GRIK2: variants seen among roughly 807,000 people sequenced by gnomAD.
The protein encoded by GRIK2 is glutamate ionotropic receptor kainate type subunit 2.
GRIK2 carries 32 observed loss-of-function variants against 100.3 expected under a neutral mutation model. The observed-to-expected ratio is 0.32, with a 90% CI of 0.24 to 0.43. The LOEUF (loss-of-function observed/expected upper bound fraction) is 0.43. Among genes scored for constraint, GRIK2 ranks in the 20% least tolerant of loss-of-function variants. The pLI, the probability that GRIK2 is intolerant of heterozygous loss-of-function variation, is 1.00. For synonymous variants in GRIK2, 417 were observed against 389.4 expected, an observed-to-expected ratio of 1.07 and a Z score of -0.83; for missense variants, 843 against 1,114.9, an observed-to-expected ratio of 0.76 and a Z score of 3.47.
chr6:102,013,023 G>A (rs1795630783), intron 14 of GRIK2, among the ~76,000 whole-genome samples: 1 of 152,090 alleles, frequency 6.6e-6, no homozygotes, highest in Non-Finnish European at 1.5e-5. Context: ...ATTGCTCTGG[G>A]CATTATAGCC....
intron 14 of GRIK2, among the ~76,000 whole-genome samples, chr6:101,992,190 T>TAAAC (rs895091868): frequency 1.3e-5 from 2 of 151,582 alleles, no homozygotes; most frequent in African/African-American, 4.8e-5. Flanking sequence ...AAATCATCTG[T>TAAAC]AAACAGCTTT....
intron 16 of GRIK2, among the ~76,000 whole-genome samples, chr6:102,065,499 A>AT (rs200394955): frequency 0.065 from 9,787 of 151,200 alleles, 470 homozygotes; most frequent in Non-Finnish European, 0.096. Context: ...CATGTGTAAG[A>AT]TTTTTTCCTA....
intron 2 of GRIK2, among the ~76,000 whole-genome samples, chr6:101,589,086 C>T (rs1005788885): frequency 1.3e-5 from 2 of 152,056 alleles, no homozygotes; most frequent in African/African-American, 4.8e-5. Flanking sequence ...ATGAAACCTA[C>T]CATTCTGGCT....
At chr6:101,654,341 G>C (rs1461714129) in intron 4 of GRIK2, among the ~76,000 whole-genome samples, 1 of 152,078 alleles carries the variant, frequency 6.6e-6, no homozygotes, top group Non-Finnish European at 1.5e-5. Flanking sequence ...ATTAGAACTA[G>C]AAGCTGATTG....
intron 2 of GRIK2, among the ~76,000 whole-genome samples, chr6:101,581,303 T>C (rs1195956596): frequency 1.3e-5 from 2 of 151,608 alleles, no homozygotes; most frequent in Non-Finnish European, 2.9e-5. Flanking sequence ...TGTGTGTGTG[T>C]ATATACATAT....
At position 101,941,494 on chromosome 6, in the gene GRIK2, A is replaced by AT. The variant is rs904019749; in HGVS notation, c.2085+12872dup. 7.6e-4 allele frequency among the ~76,000 whole-genome samples: 114 copies of AT among 150,682 alleles called. 1 individual carries two copies. Among genetic ancestry groups the AT allele is most frequent in the African/African-American group, 2.3e-3 (96 of 41,212 alleles). On this transcript the variant is annotated intron_variant, in intron 14 of 16. Coordinates refer to ENST00000369134, the MANE Select transcript of GRIK2 (RefSeq NM_021956.5). ...AAATACAAACTGAATTTGATATGCA[A>AT]TTTTTTTTTTCTTAATAGTAAAAAA...
rs1772131308 is a variant in GRIK2 at position 102,068,619 on chromosome 6, C to T, written c.*108C>T. 2.3e-6 allele frequency: 2 copies of T among 856,530 alleles called. No homozygotes were observed. Among genetic ancestry groups the T allele is most frequent in the Non-Finnish European group, 3.6e-6 (2 of 549,266 alleles). 53.1% of individuals were successfully genotyped at this position (856,530 alleles called of 1,614,324 possible). A position where few individuals can be genotyped will look rare whatever the true frequency, so the allele number is the denominator to read the frequency against. On this transcript the variant is annotated 3_prime_UTR_variant, in exon 17 of 17. Coordinates refer to ENST00000369134, the MANE Select transcript of GRIK2 (RefSeq NM_021956.5). ...ACCTGTGCAAAATAAAATGAGTTAC[C>T]TCATGCCGCTGTGTCTATGAACTAG...
At chr6:101,559,593 C>T (rs1433843847) in intron 2 of GRIK2, among the ~76,000 whole-genome samples, 2 of 152,040 alleles carry the variant, frequency 1.3e-5, no homozygotes, top group East Asian at 3.8e-4. Flanking sequence ...ATCAGCTACT[C>T]CCAAGAAGGT....
chr6:101,732,402 A>T (rs1437445259), intron 7 of GRIK2, among the ~76,000 whole-genome samples: 2 of 152,092 alleles, frequency 1.3e-5, no homozygotes, highest in Non-Finnish European at 2.9e-5. Flanking sequence ...GATAACAATC[A>T]TATTTTTTTT....
chr6:101,773,495 G>GA (rs910994228), intron 7 of GRIK2, among the ~76,000 whole-genome samples: 3,527 of 133,016 alleles, frequency 0.027, 98 homozygotes, highest in African/African-American at 0.074. Flanking sequence ...AAAAAAAAAG[G>GA]AAAAAAAAAA....
chr6:101,817,934 A>C (rs1781733038), intron 9 of GRIK2, among the ~76,000 whole-genome samples: 1 of 152,128 alleles, frequency 6.6e-6, no homozygotes, highest in Non-Finnish European at 1.5e-5. Context: ...GCCTACCTTT[A>C]CCTATTAATT....
intron 2 of GRIK2, among the ~76,000 whole-genome samples, chr6:101,492,595 C>A (rs1414913411): frequency 1.3e-5 from 2 of 151,854 alleles, no homozygotes; most frequent in East Asian, 3.9e-4. Flanking sequence ...GGAGGATTTT[C>A]TTTCTATATA....
intron 10 of GRIK2, among the ~76,000 whole-genome samples, chr6:101,822,663 T>C (rs1280188067): frequency 1.3e-5 from 2 of 152,174 alleles, no homozygotes; most frequent in Non-Finnish European, 2.9e-5. Context: ...ATCCATGGAT[T>C]TATTCGTTTA....
rs374516995 is a variant in GRIK2, at chr6:102,040,692, T to G, written c.2311+5126T>G. On this transcript the variant is annotated intron_variant, in intron 15 of 16. Transcript: ENST00000369134. ...AATAGAAATCAGTATGAGAAGAATG[T>G]CGTTCCCTGTTTTATTCACCATCCA... 4.0e-5 allele frequency among the ~76,000 whole-genome samples: 6 copies of G among 151,594 alleles called. No individual in the cohort carries two copies. The East Asian group carries it at 1.2e-3, about 29-fold the overall frequency.
chr6:101,493,785 A>G (rs1773265961), intron 2 of GRIK2, among the ~76,000 whole-genome samples: 1 of 151,066 alleles, frequency 6.6e-6, no homozygotes, highest in Admixed American at 6.6e-5. Context: ...TACTTTAATT[A>G]TTTTTCAGCC....
chr6:101,824,246 A>G (rs1782166117), intron 10 of GRIK2, among the ~76,000 whole-genome samples: 1 of 152,066 alleles, frequency 6.6e-6, no homozygotes. Flanking sequence ...CAAGCAGTAT[A>G]TACCGTACCC....
At chr6:101,847,175 G>C (rs1023676496) in intron 10 of GRIK2, among the ~76,000 whole-genome samples, 4 of 151,896 alleles carry the variant, frequency 2.6e-5, no homozygotes, top group African/African-American at 9.7e-5. Context: ...TGTATCCATT[G>C]AGTTTTAATA....
chr6:101,933,468 T>C (rs1790415922), intron 14 of GRIK2, among the ~76,000 whole-genome samples: 1 of 151,984 alleles, frequency 6.6e-6, no homozygotes, highest in Admixed American at 6.6e-5. Flanking sequence ...TTTGGCTAAA[T>C]CCAAAAGATT....
intron 15 of GRIK2, among the ~76,000 whole-genome samples, chr6:102,051,638 C>G (rs1452258726): frequency 6.6e-6 from 1 of 151,974 alleles, no homozygotes; most frequent in Non-Finnish European, 1.5e-5. Context: ...TATGGTCACC[C>G]TGTGACCATA....
Sources: allele counts gnomAD v4.1 joint callset (sites outside exome capture counted in the v4.1 genomes callset), GRCh38; gene constraint gnomAD v4.1.1; transcripts MANE v1.5; gene names NCBI Gene and HGNC (gene_info 2026-07-23, HGNC 2026-07-21).